Variants in SMIM20 observed in about 807,000 individuals in gnomAD.
The protein encoded by SMIM20 is small integral membrane protein 20, also known as mitochondrial translation regulation assembly intermediate of cytochrome c oxidase protein of 7 kDa.
Under a neutral mutation model 8.7 loss-of-function variants are expected in SMIM20, and 3 were observed. The observed-to-expected ratio is 0.34, with a 90% CI of 0.16 to 0.89. The LOEUF (loss-of-function observed/expected upper bound fraction) is 0.89. Among genes scored for constraint, SMIM20 ranks in the 40% least tolerant of loss-of-function variants. SMIM20 has a pLI of 0.49. For missense variants in SMIM20, 85 were observed against 84.8 expected (o/e 1.00, Z -0.01); for synonymous variants, 44 against 33.6 (o/e 1.31, Z -1.07).
rs1711588303 is a variant in SMIM20 at position 25,929,272 on chromosome 4, C to T, written c.*81C>T. ...GCATGGGGTACAGCCAGTCACCTCA[C>T]CAGAGAATGACGGCTGGAGAAGAAA... is the stretch of plus-strand genomic sequence containing the variant. On this transcript the variant is annotated 3_prime_UTR_variant, in exon 3 of 3. Transcript: ENST00000506197. 3 of 1,434,008 alleles carry T rather than the reference C, an allele frequency of 2.1e-6. No individual in the cohort carries two copies. Among genetic ancestry groups the T allele is most frequent in the African/African-American group, 1.4e-5 (1 of 70,188 alleles). 88.8% of individuals were successfully genotyped at this position (1,434,008 alleles called of 1,614,324 possible).
intron 1 of SMIM20, among the ~76,000 whole-genome samples, chr4:25,921,714 TA>T (rs936781939): frequency 3.3e-5 from 5 of 152,116 alleles, no homozygotes; most frequent in African/African-American, 1.2e-4. Context: ...CTGCAGTAGG[TA>T]AGGGTTCCCA....
chr4:25,925,781 C>T (rs1719281492), intron 1 of SMIM20, among the ~76,000 whole-genome samples: 1 of 152,164 alleles, frequency 6.6e-6, no homozygotes, highest in Non-Finnish European at 1.5e-5. Flanking sequence ...CCGGTGTGGA[C>T]ATTTAATATA....
intron 1 of SMIM20, among the ~76,000 whole-genome samples, chr4:25,922,623 C>T (rs1281490683): frequency 6.6e-6 from 1 of 152,220 alleles, no homozygotes; most frequent in Non-Finnish European, 1.5e-5. Flanking sequence ...TAGGCCTTCT[C>T]TCCTGACCGT....
rs988327127 is a variant in SMIM20 at position 25,914,229 on chromosome 4, G to T, written c.-85G>T. ...GCGAAAGCCTCTCCACCTCTTCCGAGCGGGGTCACGGCCCGGCCGTCGGTA... is the reference window on the plus strand; with the variant it reads ...GCGAAAGCCTCTCCACCTCTTCCGATCGGGGTCACGGCCCGGCCGTCGGTA... On this transcript the variant is annotated 5_prime_UTR_variant, in exon 1 of 3. Coordinates refer to ENST00000506197, the MANE Select transcript of SMIM20 (RefSeq NM_001145432.3). 30 of 1,501,296 alleles carry T rather than the reference G, an allele frequency of 2.0e-5. No individual in the cohort carries two copies. The highest frequency in any genetic ancestry group is 2.5e-5 in the Non-Finnish European group (28 of 1,119,482). 93.0% of individuals were successfully genotyped at this position (1,501,296 alleles called of 1,614,324 possible). A position where few individuals can be genotyped will look rare whatever the true frequency, so the allele number is the denominator to read the frequency against.
chr4:25,925,325 C>T (rs1560388339), intron 1 of SMIM20, among the ~76,000 whole-genome samples: 3 of 152,094 alleles, frequency 2.0e-5, no homozygotes, highest in African/African-American at 7.2e-5. Context: ...CAACCTCTGA[C>T]CCCCAGGTTC....
At chr4:25,918,885 A>G (rs940693187) in intron 1 of SMIM20, among the ~76,000 whole-genome samples, 5 of 142,136 alleles carry the variant, frequency 3.5e-5, no homozygotes, top group African/African-American at 1.3e-4. Context: ...CCTTATGTGA[A>G]TATCTTTTTT....
At chr4:25,921,041 G>C (rs1259987984) in intron 1 of SMIM20, among the ~76,000 whole-genome samples, 1 of 152,220 alleles carries the variant, frequency 6.6e-6, no homozygotes, top group Non-Finnish European at 1.5e-5. Context: ...ACACAGGACT[G>C]TATGTTAGTA....
chr4:25,918,889 C>CTTTTTT (rs775952783), intron 1 of SMIM20, among the ~76,000 whole-genome samples: 7 of 91,694 alleles, frequency 7.6e-5, no homozygotes, highest in Non-Finnish European at 1.3e-4. Flanking sequence ...ATGTGAATAT[C>CTTTTTT]TTTTTTTTTT....
chr4:25,915,245 G>C (rs1033886760), intron 1 of SMIM20, among the ~76,000 whole-genome samples: 1 of 152,064 alleles, frequency 6.6e-6, no homozygotes, highest in Admixed American at 6.5e-5. Context: ...CATTCTAAAA[G>C]CCAAACTCTT....
At chr4:25,924,180 A>T (rs1719247432) in intron 1 of SMIM20, among the ~76,000 whole-genome samples, 1 of 152,232 alleles carries the variant, frequency 6.6e-6, no homozygotes, top group African/African-American at 2.4e-5. Context: ...TGGTGTATGT[A>T]TCTAGGTAAC....
intron 1 of SMIM20, among the ~76,000 whole-genome samples, chr4:25,918,889 CTTTTTTTTTT>C (rs775952783): frequency 6.5e-5 from 6 of 91,694 alleles, no homozygotes; most frequent in African/African-American, 2.0e-4. Context: ...ATGTGAATAT[CTTTTTTTTTT>C]TTTTTTTTTT....
In SMIM20 at chr4:25,928,300, TTA is replaced by T. The variant is rs1711563877; in HGVS notation, c.110-11_110-10del. On this transcript the variant is annotated splice_polypyrimidine_tract_variant and intron_variant, in intron 1 of 2. Coordinates refer to ENST00000506197, the MANE Select transcript of SMIM20 (RefSeq NM_001145432.3). The stretch of plus-strand genomic sequence containing the variant: ...CCCCTTCTAAAGAATGATTTTTCTC[TTA>T]TGTTTCTCAGAGAAGGAACAAGCTA... 5.2e-6 allele frequency: 8 copies of T among 1,550,218 alleles called. No individual in the cohort carries two copies. The highest frequency in any genetic ancestry group is 1.4e-5 in the African/African-American group (1 of 73,066).
At chr4:25,915,864 G>GGGGGGGT (rs1719081491) in intron 1 of SMIM20, among the ~76,000 whole-genome samples, 9 of 126,624 alleles carry the variant, frequency 7.1e-5, no homozygotes, top group Non-Finnish European at 8.5e-5. Context: ...TGGGGCGGGG[G>GGGGGGGT]GGGGGTCGAG....
In SMIM20 at chr4:25,929,434, C is replaced by A; in HGVS notation, c.*243C>A. On this transcript the variant is annotated 3_prime_UTR_variant, in exon 3 of 3. Transcript: ENST00000506197. The stretch of plus-strand genomic sequence containing the variant: ...GGTTTTCATGATTCAGTTGATTTTC[C>A]AAAAATGAAGCTATCTCACCCAGCT... 2.1e-6 allele frequency: 1 copy of A among 472,490 alleles called. No homozygotes were observed. The highest frequency in any genetic ancestry group is 3.7e-6 in the Non-Finnish European group (1 of 271,702). 29.3% of individuals were successfully genotyped at this position (472,490 alleles called of 1,614,324 possible).
At chr4:25,922,786 CCAAGTGT>C (rs1463405163) in intron 1 of SMIM20, among the ~76,000 whole-genome samples, 1 of 152,166 alleles carries the variant, frequency 6.6e-6, no homozygotes, top group Non-Finnish European at 1.5e-5. Context: ...CCATGTAGAG[CCAAGTGT>C]CAGATCAGTC....
At chr4:25,927,556 AG>A (rs1393643592) in intron 1 of SMIM20, among the ~76,000 whole-genome samples, 1 of 152,238 alleles carries the variant, frequency 6.6e-6, no homozygotes, top group African/African-American at 2.4e-5. Context: ...TTTGGCTCTA[AG>A]GCTTTCTCCT....
intron 1 of SMIM20, among the ~76,000 whole-genome samples, chr4:25,921,303 G>A (rs1254509801): frequency 1.3e-5 from 2 of 152,116 alleles, no homozygotes; most frequent in Non-Finnish European, 2.9e-5. Context: ...GGAAGCTGAC[G>A]CAGGAGGATC....
chr4:25,928,486 G>C, intron 2 of SMIM20, 117 bp downstream of exon 2: 1 of 990,586 alleles, frequency 1.0e-6, no homozygotes, highest in Non-Finnish European at 1.4e-6. Context: ...TTAGAGACAA[G>C]ATTGTGATTT....
At chr4:25,927,773 C>T (rs1294654425) in intron 1 of SMIM20, among the ~76,000 whole-genome samples, 5 of 152,202 alleles carry the variant, frequency 3.3e-5, no homozygotes, top group African/African-American at 7.2e-5. Flanking sequence ...TGCTAATTGG[C>T]GCAGCACCTG....
Sources: allele counts gnomAD v4.1 joint callset (sites outside exome capture counted in the v4.1 genomes callset), GRCh38; gene constraint gnomAD v4.1.1; transcripts MANE v1.5; gene names NCBI Gene and HGNC (gene_info 2026-07-23, HGNC 2026-07-21).